Variants in SLC1A6 observed in about 807,000 individuals in gnomAD.
The protein encoded by SLC1A6 is excitatory amino acid transporter 4.
In SLC1A6, 15 loss-of-function variants were observed where a neutral mutation model predicts 42.1. That is an observed-to-expected ratio of 0.36 (90% CI 0.24 to 0.55). The LOEUF is 0.55. SLC1A6 is among the 20% of genes least tolerant of loss of function. SLC1A6 has a pLI of 0.88. For missense variants in SLC1A6, 542 were observed against 772.5 expected (o/e 0.70, Z 3.54); for synonymous variants, 317 against 319.7 (o/e 0.99, Z 0.09).
intron 1 of SLC1A6, among the ~76,000 whole-genome samples, chr19:15,009,311 A>T (rs2045913455): frequency 7.4e-6 from 1 of 135,952 alleles, no homozygotes; most frequent in African/African-American, 3.5e-5. Flanking sequence ...GATAACATAT[A>T]TATCACATAG....
intron 1 of SLC1A6, among the ~76,000 whole-genome samples, chr19:14,993,514 G>A (rs1013271434): frequency 6.6e-6 from 1 of 152,126 alleles, no homozygotes; most frequent in Non-Finnish European, 1.5e-5. Context: ...ATTAACATGT[G>A]CTTTCTGCCC....
rs568057780 is a variant in SLC1A6 at position 14,972,800 on chromosome 19, C to A, written c.111G>T (p.Thr37=). ...GGGTCATGGTCTGCAGGCGCAGGCG[C>A]GTGCGCAGTGCTCTCTGCTGCAGGC... ...QESLQQRALR[T]RLRLQTMTLE... The change falls in exon 2 of 10, where the codon ACG becomes ACT. Residue 37 remains threonine, a synonymous_variant. Transcript: ENST00000594383. 6.2e-6 allele frequency: 10 copies of A among 1,612,916 alleles called. No homozygotes were observed. Among genetic ancestry groups the A allele is most frequent in the African/African-American group, 5.3e-5 (4 of 75,058 alleles).
rs577549648 is a variant in SLC1A6, at chr19:14,975,381, A to G, written c.-7-2464T>C. ...CCCTGATTTGATCTTTACGCATTGT[A>G]TGCATGTATCGAAATGTCACTGTAT... On this transcript the variant is annotated intron_variant, in intron 1 of 9. Coordinates refer to ENST00000594383, the MANE Select transcript of SLC1A6 (RefSeq NM_005071.3). 3.3e-5 allele frequency: 4 copies of G among 122,036 alleles called. No homozygotes were observed. The South Asian group carries it at 1.1e-3, about 33-fold the overall frequency. The allele number at this position is 122,036 out of a possible 1,614,324, so 7.6% of individuals were successfully genotyped here. A position where few individuals can be genotyped will look rare whatever the true frequency, so the allele number is the denominator to read the frequency against.
In SLC1A6 at chr19:15,010,270, T is replaced by G. The variant is rs562300402; in HGVS notation, c.6+215A>C. 1.2e-4 allele frequency among the ~76,000 whole-genome samples: 18 copies of G among 149,536 alleles called. 1 individual carries two copies. The South Asian group carries it at 3.7e-3, about 30-fold the overall frequency. On this transcript the variant is annotated intron_variant, in intron 1 of 8. Coordinates refer to the SLC1A6 transcript ENST00000430939. ...AACGTAAGACTAAAAAAGCTACTTT[T>G]GGGTAGTCAAGGACACCAAGAACCC...
At chr19:15,008,281 G>T (rs2045906233) in intron 1 of SLC1A6, among the ~76,000 whole-genome samples, 2 of 151,990 alleles carry the variant, frequency 1.3e-5, no homozygotes, top group Admixed American at 1.3e-4. Flanking sequence ...GGAGTTGGAG[G>T]CTGCAGTGAA....
chr19:15,010,266 C>T (rs1185138040), intron 1 of SLC1A6, among the ~76,000 whole-genome samples: 1 of 149,838 alleles, frequency 6.7e-6, no homozygotes, highest in Non-Finnish European at 1.5e-5. Flanking sequence ...AAAAAAGCTA[C>T]TTTTGGGTAG....
chr19:14,966,958 T>C (rs1160052636), intron 4 of SLC1A6, among the ~76,000 whole-genome samples: 1 of 152,118 alleles, frequency 6.6e-6, no homozygotes, highest in Non-Finnish European at 1.5e-5. Context: ...GACGGGTTGA[T>C]AGGTGCTGCA....
chr19:14,958,370 C>T (rs1441837343), intron 6 of SLC1A6, among the ~76,000 whole-genome samples: 2 of 151,362 alleles, frequency 1.3e-5, no homozygotes, highest in African/African-American at 4.9e-5. Context: ...GAGATCACAT[C>T]ACTGCACTCC....
chr19:14,994,767 G>C (rs1055108198), intron 1 of SLC1A6, among the ~76,000 whole-genome samples: 1 of 152,158 alleles, frequency 6.6e-6, no homozygotes, highest in Non-Finnish European at 1.5e-5. Context: ...GTTTGGGTGC[G>C]CCATCCTGAG....
chr19:14,994,542 C>T (rs552003962), intron 1 of SLC1A6, among the ~76,000 whole-genome samples: 2 of 152,334 alleles, frequency 1.3e-5, no homozygotes, highest in Admixed American at 6.5e-5. Flanking sequence ...CATCTTTCTC[C>T]AGGGGTTAGA....
intron 1 of SLC1A6, among the ~76,000 whole-genome samples, chr19:14,986,881 CT>C (rs752148478): frequency 1.3e-5 from 2 of 152,064 alleles, no homozygotes; most frequent in Non-Finnish European, 2.9e-5. Context: ...CTGAAACTGG[CT>C]TTTGTTAAAA....
chr19:14,965,130 C>T (rs183475982), intron 4 of SLC1A6, among the ~76,000 whole-genome samples: 285 of 152,052 alleles, frequency 1.9e-3, no homozygotes, highest in African/African-American at 6.7e-3. Flanking sequence ...AGCAATTCTC[C>T]TGCCTCAGCC....
chr19:14,966,103 G>A (rs931486989), intron 4 of SLC1A6, among the ~76,000 whole-genome samples: 4 of 152,178 alleles, frequency 2.6e-5, no homozygotes, highest in Admixed American at 1.3e-4. Flanking sequence ...CTAGTGGGAC[G>A]GATGCACTAA....
intron 1 of SLC1A6, among the ~76,000 whole-genome samples, chr19:14,995,651 C>T (rs1004391276): frequency 1.3e-5 from 2 of 151,960 alleles, no homozygotes; most frequent in African/African-American, 2.4e-5. Flanking sequence ...TACGATAAAA[C>T]GTTATGCTAT....
At position 14,968,281 on chromosome 19, in the gene SLC1A6, G is replaced by T. The variant is rs768552366; in HGVS notation, c.548+22C>A. 3.2e-6 allele frequency: 5 copies of T among 1,563,228 alleles called. No homozygotes were observed. The South Asian group carries it at 4.5e-5, about 14-fold the overall frequency. ...GTCTCCTTTTTCAAATGTGTATATT[G>T]TGGTTTTTTAGGTTGGCACACCTGA... On this transcript the variant is annotated intron_variant, in intron 4 of 9. Transcript: ENST00000594383.
chr19:14,954,375 G>A, intron 7 of SLC1A6, 46 bp from the exon 8 acceptor site: 1 of 1,554,926 alleles, frequency 6.4e-7, no homozygotes, highest in African/African-American at 1.4e-5. Flanking sequence ...GGCCTGGTGG[G>A]GGCGGGGCTG....
At chr19:15,009,622 AG>A (rs2045914913) in intron 1 of SLC1A6, among the ~76,000 whole-genome samples, 1 of 152,112 alleles carries the variant, frequency 6.6e-6, no homozygotes, top group Non-Finnish European at 1.5e-5. Flanking sequence ...GAGGGTGAGA[AG>A]GGGGTGAGGG....
chr19:14,991,199 G>A (rs535530280), intron 1 of SLC1A6, among the ~76,000 whole-genome samples: 1 of 152,288 alleles, frequency 6.6e-6, no homozygotes, highest in Non-Finnish European at 1.5e-5. Flanking sequence ...CAGATTCGTG[G>A]TTGCCAGGGG....
intron 3 of SLC1A6, among the ~76,000 whole-genome samples, chr19:14,968,892 T>C (rs1318182281): frequency 1.0e-5 from 1 of 100,194 alleles, no homozygotes; most frequent in African/African-American, 4.9e-5. Context: ...CAGACTGGAG[T>C]GCAATGGTGC....
Sources: allele counts gnomAD v4.1 joint callset (sites outside exome capture counted in the v4.1 genomes callset), GRCh38; gene constraint gnomAD v4.1.1; transcripts MANE v1.5; gene names NCBI Gene and HGNC (gene_info 2026-07-23, HGNC 2026-07-21).